Variants in SLC12A7 observed in about 807,000 individuals in gnomAD.
SLC12A7 encodes the protein K-Cl cotransporter 4.
SLC12A7 carries 100 observed loss-of-function variants against 120.6 expected under a neutral mutation model. The ratio of observed to expected loss-of-function variants is 0.83; its 90% CI spans 0.71 to 0.98. SLC12A7 has a LOEUF of 0.98. Ranked by LOEUF, SLC12A7 falls within the 50% of genes least tolerant of loss-of-function variation. The pLI is 0.00. For missense variants in SLC12A7, 1,373 were observed against 1,548.1 expected, an observed-to-expected ratio of 0.89 and a Z score of 1.90; for synonymous variants, 760 against 678.0, an observed-to-expected ratio of 1.12 and a Z score of -1.88.
At chr5:1,126,001 G>C in the SLC12A7 span, among the ~76,000 whole-genome samples, 2 of 150,720 alleles carry the variant, frequency 1.3e-5, no homozygotes, top group Admixed American at 1.3e-4. Flanking sequence ...TTTCCAAAAA[G>C]TCACTCATGT....
Position 1,051,386 on chromosome 5 carries a change from G to C in SLC12A7, c.*974C>G, listed in dbSNP as rs567898218. 1 of 153,398 alleles carries C rather than the reference G, an allele frequency of 6.5e-6. No homozygotes were observed. The highest frequency in any genetic ancestry group is 2.4e-5 in the African/African-American group (1 of 41,058). The allele number at this position is 153,398 out of a possible 1,614,324, so 9.5% of individuals were successfully genotyped here. On this transcript the variant is annotated 3_prime_UTR_variant, in exon 24 of 24. Coordinates refer to ENST00000264930, the MANE Select transcript of SLC12A7 (RefSeq NM_006598.3). Reference sequence around the variant, plus strand: ...AGGCTGAACTGTGTGCCGTGCTCCTGGGGTGGGGTGGGGTGGGGAGGGCAG... The same window carrying C: ...AGGCTGAACTGTGTGCCGTGCTCCTCGGGTGGGGTGGGGTGGGGAGGGCAG...
chr5:1,094,892 T>TA (rs1421942162), intron 1 of SLC12A7, among the ~76,000 whole-genome samples: 6 of 151,744 alleles, frequency 4.0e-5, no homozygotes, highest in African/African-American at 1.5e-4. Context: ...AACCAGGGGG[T>TA]AATCCTAGCA....
the SLC12A7 span, among the ~76,000 whole-genome samples, chr5:1,122,280 G>A: frequency 6.6e-6 from 1 of 152,178 alleles, no homozygotes; most frequent in African/African-American, 2.4e-5. Context: ...TGCGAGGCGG[G>A]GTGGGATTTT....
the SLC12A7 span, among the ~76,000 whole-genome samples, chr5:1,117,480 T>A: frequency 3.9e-5 from 6 of 152,316 alleles, no homozygotes; most frequent in African/African-American, 1.4e-4. This position sits in a 1 kb window ranked among gnomAD's most constrained non-coding sequence, Gnocchi z 4.5. Context: ...GATTAACAAA[T>A]TAGCCACAAG....
At chr5:1,054,549 C>T (rs1056788283) in intron 22 of SLC12A7, among the ~76,000 whole-genome samples, 5 of 152,354 alleles carry the variant, frequency 3.3e-5, no homozygotes, top group Admixed American at 6.5e-5. Context: ...TGGAAAAACC[C>T]GGCCCGTGTG....
In SLC12A7 at chr5:1,058,003, C is replaced by A. The variant is rs76094680; in HGVS notation, c.2848-354G>T. Among the ~76,000 whole-genome samples, 62 of 63,054 alleles carry A rather than the reference C, an allele frequency of 9.8e-4. 1 individual carries two copies. The highest frequency in any genetic ancestry group is 2.5e-3 in the Admixed American group (10 of 3,996). 41.4% of individuals were successfully genotyped at this position (63,054 alleles called of 152,430 possible). A position where few individuals can be genotyped will look rare whatever the true frequency, so the allele number is the denominator to read the frequency against. ...ACCCCAGACCACCTGCTCGCCCACA[C>A]GACCAGCACGCAGGCGTCCCCGTCT... On this transcript the variant is annotated intron_variant, in intron 21 of 23. Coordinates refer to ENST00000264930, the MANE Select transcript of SLC12A7 (RefSeq NM_006598.3).
Position 1,089,018 on chromosome 5 carries a change from C to G in SLC12A7, c.453G>C (p.Leu151=). ...LTWIVGVAGV[L]ESFLIVAMCC... ...ACATGGCCACGATGAGGAAGGACTC[C>G]AGGACACCAGCCACCCCCACGATCC... Residue 151 remains leucine (L), a synonymous_variant, in exon 4 of 24, where the codon CTG becomes CTC. Coordinates refer to ENST00000264930, the MANE Select transcript of SLC12A7 (RefSeq NM_006598.3). 2 of 1,613,000 alleles carry G rather than the reference C, an allele frequency of 1.2e-6. No individual in the cohort carries two copies. Among genetic ancestry groups the G allele is most frequent in the Non-Finnish European group, 1.7e-6 (2 of 1,179,982 alleles).
In SLC12A7 at chr5:1,057,518, G is replaced by A. The variant is rs764492904; in HGVS notation, c.2979C>T (p.Ser993=). Residue 993 remains serine, a synonymous_variant, in exon 22 of 24, where the codon AGC becomes AGT. Coordinates refer to ENST00000264930, the MANE Select transcript of SLC12A7 (RefSeq NM_006598.3). ...REKLIAEKYR[S]RDTSLSGFKD... ...TGAAACCAGATAGGCTGGTGTCTCT[G>A]CTCCTGTACTTCTCAGCGATCAGCT... is the stretch of plus-strand genomic sequence containing the variant. The A allele has an allele frequency of 1.9e-6, 3 of 1,613,332 alleles. No individual in the cohort carries two copies. The highest frequency in any genetic ancestry group is 2.5e-6 in the Non-Finnish European group (3 of 1,179,948).
At chr5:1,102,198 A>AGGAGGGGCAGCCCCTCCAGCC (rs780209205) in intron 1 of SLC12A7, among the ~76,000 whole-genome samples, 23 of 152,104 alleles carry the variant, frequency 1.5e-4, no homozygotes, top group Non-Finnish European at 3.2e-4. Context: ...TCCCGGCCAG[A>AGGAGGGGCAGCCCCTCCAGCC]GGAGGGGCAG....
chr5:1,060,787 A>T (rs1043525316), intron 20 of SLC12A7, among the ~76,000 whole-genome samples: 2 of 152,122 alleles, frequency 1.3e-5, no homozygotes, highest in Non-Finnish European at 2.9e-5. Context: ...GGGCTGCATG[A>T]TCCACGCTCA....
chr5:1,087,938 G>A (rs1213058570), intron 5 of SLC12A7, among the ~76,000 whole-genome samples: 1 of 152,090 alleles, frequency 6.6e-6, no homozygotes, highest in East Asian at 1.9e-4. Context: ...ACAAGGTCAG[G>A]GCAGTGTTTT....
Position 1,052,227 on chromosome 5 carries a change from C to G in SLC12A7, c.*133G>C. On this transcript the variant is annotated 3_prime_UTR_variant, in exon 24 of 24. Transcript: ENST00000264930. The stretch of plus-strand genomic sequence containing the variant: ...CGGGCCTAGAAACTTCCGTAGGAAG[C>G]CCCATGGGCAGCTTGGGCGGCATCA... The G allele has an allele frequency of 1.3e-6, 1 of 762,394 alleles. No homozygotes were observed. The highest frequency in any genetic ancestry group is 1.5e-5 in the South Asian group (1 of 65,892). 47.2% of individuals were successfully genotyped at this position (762,394 alleles called of 1,614,324 possible).
In SLC12A7 at chr5:1,076,247, G is replaced by A. The variant is rs778236147; in HGVS notation, c.1749-11C>T. On this transcript the variant is annotated splice_polypyrimidine_tract_variant and intron_variant, in intron 13 of 23. Transcript: ENST00000264930. Reference sequence around the variant, plus strand: ...CACATGAGGAAGAACCTGCAGGGACGGCCGGCCACTGATACGGGCCCACTG... The same window carrying A: ...CACATGAGGAAGAACCTGCAGGGACAGCCGGCCACTGATACGGGCCCACTG... 3.4e-5 allele frequency: 54 copies of A among 1,596,754 alleles called. No individual in the cohort carries two copies. Among genetic ancestry groups the A allele is most frequent in the South Asian group, 1.5e-4 (13 of 88,914 alleles).
chr5:1,096,507 A>G (rs1315892889), intron 1 of SLC12A7, among the ~76,000 whole-genome samples: 1 of 151,116 alleles, frequency 6.6e-6, no homozygotes, highest in Admixed American at 6.6e-5. Context: ...GCCCTTCCCC[A>G]CTCCTCTTCA....
the SLC12A7 span, among the ~76,000 whole-genome samples, chr5:1,132,454 C>G: frequency 6.6e-6 from 1 of 152,128 alleles, no homozygotes; most frequent in Non-Finnish European, 1.5e-5. Flanking sequence ...TCTATGGACT[C>G]ACCTCCAATT....
intron 22 of SLC12A7, 91 bp from the exon 23 acceptor site, chr5:1,053,573 C>T: frequency 2.0e-6 from 3 of 1,499,098 alleles, no homozygotes; most frequent in East Asian, 2.3e-5. Context: ...GCTGCATTCA[C>T]ACGTGTTGGA....
At chr5:1,098,814 C>T (rs1001028334) in intron 1 of SLC12A7, among the ~76,000 whole-genome samples, 3 of 150,204 alleles carry the variant, frequency 2.0e-5, no homozygotes, top group East Asian at 2.0e-4. Context: ...CTCACCCAGC[C>T]GCGTCCCTTG....
chr5:1,078,670 C>G (rs1302241123), intron 11 of SLC12A7, 31 bp downstream of exon 11: 1 of 1,588,272 alleles, frequency 6.3e-7, no homozygotes, highest in Non-Finnish European at 8.6e-7. Context: ...AGACTACAGG[C>G]TTTGCACGAA....
intron 16 of SLC12A7, among the ~76,000 whole-genome samples, chr5:1,074,177 G>A (rs1033731036): frequency 4.0e-5 from 6 of 151,892 alleles, no homozygotes; most frequent in African/African-American, 1.5e-4. Flanking sequence ...GCCCTGAGGG[G>A]ACAATGGCCC....
Sources: gnomAD v4.1 joint callset for allele counts (sites outside exome capture counted in the v4.1 genomes callset) on GRCh38, gnomAD v4.1.1 for gene constraint, Gnocchi (gnomAD v3.1) non-coding constraint, MANE v1.5 for transcripts, NCBI Gene and HGNC (gene_info 2026-07-23, HGNC 2026-07-21) for gene names.